The following MVP variants were observed in gnomAD, a reference collection of about 807,000 sequenced individuals.
MVP encodes major vault protein.
MVP carries 62 observed loss-of-function variants against 83.5 expected under a neutral mutation model. That is an observed-to-expected ratio of 0.74 (90% CI 0.61 to 0.92). The LOEUF is 0.92. MVP is among the 40% of genes least tolerant of loss of function. The pLI is 0.00. For missense variants in MVP, 1,000 were observed against 1,203.4 expected, an observed-to-expected ratio of 0.83 and a Z score of 2.50; for synonymous variants, 505 against 504.1, an observed-to-expected ratio of 1.00 and a Z score of -0.02.
Position 29,834,008 on chromosome 16 carries a change from T to C in MVP, c.519T>C (p.Ala173=), listed in dbSNP as rs1297057377. ...CCACCATCATCAGGCAGAACCAGGC[T>C]CTGCGGCTCAGGGCCCGCAAGGAGT... The part of the protein sequence containing the change: ...IQATIIRQNQ[A]LRLRARKECW... Residue 173 remains alanine (A), a synonymous_variant, in exon 5 of 15, where the codon GCT becomes GCC. Transcript: ENST00000357402. 1 of 1,614,026 alleles carries C rather than the reference T, an allele frequency of 6.2e-7. No individual in the cohort carries two copies. Among genetic ancestry groups the C allele is most frequent in the South Asian group, 1.1e-5 (1 of 91,062 alleles).
At chr16:29,839,714 G>C (rs189959356) in intron 7 of MVP, among the ~76,000 whole-genome samples, 1 of 135,694 alleles carries the variant, frequency 7.4e-6, no homozygotes, top group Non-Finnish European at 1.5e-5. Context: ...AGCCTGGAAG[G>C]TTGAGGCTGC....
chr16:29,847,211 G>A lies in MVP; in HGVS notation c.2280G>A (p.Gln760=), dbSNP rs1398617448. The change falls in exon 14 of 15, where the codon CAG becomes CAA. Residue 760 remains glutamine, a synonymous_variant. Coordinates refer to ENST00000357402, the MANE Select transcript of MVP (RefSeq NM_005115.5). ...ALAIETEAEL[Q]RVQKVRELEL... ...TCCTCTTCCAGGAGGCTGAGCTCCAGAGGGTCCAGAAGGTCCGAGAGCTGG... is the reference window on the plus strand; with the variant it reads ...TCCTCTTCCAGGAGGCTGAGCTCCAAAGGGTCCAGAAGGTCCGAGAGCTGG... 2 of 1,613,440 alleles carry A rather than the reference G, an allele frequency of 1.2e-6. No homozygotes were observed. Among genetic ancestry groups the A allele is most frequent in the Admixed American group, 3.3e-5 (2 of 59,976 alleles).
intron 11 of MVP, 67 bp downstream of exon 11, chr16:29,844,946 C>A (rs2067571633): frequency 6.5e-7 from 1 of 1,529,650 alleles, no homozygotes; most frequent in Non-Finnish European, 8.7e-7. Flanking sequence ...AACTGGATAA[C>A]CTGGCATCCC....
intron 3 of MVP, among the ~76,000 whole-genome samples, chr16:29,832,023 G>A (rs574150455): frequency 7.3e-5 from 11 of 151,078 alleles, no homozygotes; most frequent in East Asian, 2.0e-4. Flanking sequence ...CTCATGATCC[G>A]CCCGCCTCGG....
chr16:29,847,488 AG>A, intron 14 of MVP, 103 bp downstream of exon 14: 1 of 1,243,460 alleles, frequency 8.0e-7, no homozygotes. Flanking sequence ...TGGGGAAGGG[AG>A]GGGTGAGTGA....
intron 1 of MVP, among the ~76,000 whole-genome samples, chr16:29,823,823 CAG>C (rs1343862864): frequency 6.9e-6 from 1 of 145,382 alleles, no homozygotes; most frequent in Non-Finnish European, 1.5e-5. Flanking sequence ...GCCTGGGTGA[CAG>C]AGCGAGACTC....
chr16:29,846,197 C>A lies in MVP; in HGVS notation c.2178C>A (p.Ala726=). 1 of 1,606,654 alleles carries A rather than the reference C, an allele frequency of 6.2e-7. No individual in the cohort carries two copies. The highest frequency in any genetic ancestry group is 1.1e-5 in the South Asian group (1 of 90,064). The change falls in exon 13 of 15, where the codon GCC becomes GCA. Residue 726 remains alanine (A), a synonymous_variant. Coordinates refer to ENST00000357402, the MANE Select transcript of MVP (RefSeq NM_005115.5). ...VESTGTAKAE[A]ESRAEAARIE... is the part of the protein sequence containing the mutation. ...GCACCGGGACTGCCAAGGCGGAGGC[C>A]GAGTCCCGTGCGGAGGCAGCCCGGA...
At chr16:29,826,863 GTTGCGGTGAGCCGAGA>G (rs907548274) in intron 1 of MVP, among the ~76,000 whole-genome samples, 2 of 149,932 alleles carry the variant, frequency 1.3e-5, no homozygotes, top group Non-Finnish European at 3.0e-5. Flanking sequence ...GGAGGCGGAG[GTTGCGGTGAGCCGAGA>G]TTGCGCCACT....
chr16:29,837,174 A>G (rs920594257), intron 7 of MVP, among the ~76,000 whole-genome samples: 8 of 152,206 alleles, frequency 5.3e-5, no homozygotes, highest in African/African-American at 1.7e-4. Context: ...CCTTCTGGGA[A>G]GGCCTCCTGG....
In MVP at chr16:29,830,557, C is replaced by A; in HGVS notation, c.8C>A (p.Thr3Asn). The A allele has an allele frequency of 6.2e-7, 1 of 1,613,994 alleles. No homozygotes were observed. MA[T>N]EEFIIRIPPY... ...CTGGGCTTAGGAGTCACCATGGCAA[C>A]TGAAGAGTTCATCATCCGCATCCCC... The change falls in exon 2 of 15, where the codon ACT (threonine) becomes AAT (asparagine). Residue 3 changes from threonine (T) to asparagine (N), a missense_variant. Transcript: ENST00000357402.
In MVP at chr16:29,840,198, C is replaced by T. The variant is rs770847927; in HGVS notation, c.930C>T (p.Leu310=). Residue 310 remains leucine, a synonymous_variant, in exon 8 of 15, where the codon CTC becomes CTT. Coordinates refer to ENST00000357402, the MANE Select transcript of MVP (RefSeq NM_005115.5). ...RVVKGEKSFF[L]QPGEQLEQGI... ...ACTAGGGAGAGAAGTCTTTTTTCCT[C>T]CAGCCAGGAGAGCAGCTGGAACAAG... 2 of 1,608,132 alleles carry T rather than the reference C, an allele frequency of 1.2e-6. No individual in the cohort carries two copies. The highest frequency in any genetic ancestry group is 1.1e-5 in the South Asian group (1 of 90,720).
Position 29,830,518 on chromosome 16 carries a change from T to C in MVP, c.-32T>C, listed in dbSNP as rs1328364850. 22 of 1,611,052 alleles carry C rather than the reference T, an allele frequency of 1.4e-5. No homozygotes were observed. The highest frequency in any genetic ancestry group is 1.8e-5 in the Non-Finnish European group (21 of 1,178,232). ...TGTCGTCTCCCCCACCTACCAGTCA[T>C]CTTCTTGTGAGCCCTGGGCTTAGGA... On this transcript the variant is annotated 5_prime_UTR_variant, in exon 2 of 15. Transcript: ENST00000357402.
At chr16:29,834,200 G>A in intron 5 of MVP, 134 bp downstream of exon 5, 3 of 1,270,002 alleles carry the variant, frequency 2.4e-6, no homozygotes, top group Non-Finnish European at 3.2e-6. Flanking sequence ...AAGCTGTTGA[G>A]GGCCACCCAC....
At position 29,834,036 on chromosome 16, in the gene MVP, T is replaced by A. The variant is rs1246986853; in HGVS notation, c.547T>A (p.Trp183Arg). Residue 183 changes from tryptophan (W) to arginine (R), a missense_variant, in exon 5 of 15, where the codon TGG becomes AGG. By Grantham distance (101) the Trp-to-Arg change is moderately radical. Coordinates refer to ENST00000357402, the MANE Select transcript of MVP (RefSeq NM_005115.5). ...GCGGCTCAGGGCCCGCAAGGAGTGC[T>A]GGGACCGGGACGGCAAGGAGAGGGT... ...ALRLRARKEC[W>R]DRDGKERVTG... 1.2e-6 allele frequency: 2 copies of A among 1,613,928 alleles called. No individual in the cohort carries two copies. The highest frequency in any genetic ancestry group is 3.3e-5 in the Admixed American group (2 of 60,010).
intron 11 of MVP, among the ~76,000 whole-genome samples, chr16:29,845,298 C>A (rs1450681341): frequency 1.3e-5 from 2 of 151,996 alleles, no homozygotes; most frequent in Admixed American, 1.3e-4. Flanking sequence ...CAGCCGGCCT[C>A]CCCCGATTTG....
chr16:29,831,677 T>A lies in MVP; in HGVS notation c.321+604T>A, dbSNP rs376142749. 6 of 456,152 alleles carry A rather than the reference T, an allele frequency of 1.3e-5. No individual in the cohort carries two copies. In the East Asian group the frequency reaches 3.5e-4, roughly 26 times the overall value. 28.3% of individuals were successfully genotyped at this position (456,152 alleles called of 1,614,324 possible). On this transcript the variant is annotated intron_variant, in intron 3 of 14. Coordinates refer to ENST00000357402, the MANE Select transcript of MVP (RefSeq NM_005115.5). ...GCCTACCAGAAGTGCCCAGCCAGTC[T>A]GGCATTAAATGACATGTGCCAAGGT... is the stretch of plus-strand genomic sequence containing the variant.
chr16:29,847,806 C>T lies in MVP; in HGVS notation c.2499C>T (p.Thr833=), dbSNP rs757374771. Residue 833 remains threonine, a synonymous_variant, in exon 15 of 15, where the codon ACC becomes ACT. Transcript: ENST00000357402. ...QSLGLKSTLI[T]DGSTPINLFN... is the part of the protein sequence containing the mutation. Reference sequence around the variant, plus strand: ...TGGGCCTGAAATCAACCCTCATCACCGATGGCTCCACTCCCATCAACCTCT... The same window carrying T: ...TGGGCCTGAAATCAACCCTCATCACTGATGGCTCCACTCCCATCAACCTCT... The T allele has an allele frequency of 1.1e-5, 17 of 1,614,102 alleles. 1 individual carries two copies. Among genetic ancestry groups the T allele is most frequent in the East Asian group, 8.9e-5 (4 of 44,902 alleles).
At chr16:29,846,896 G>A (rs2067589971) in intron 13 of MVP, among the ~76,000 whole-genome samples, 1 of 151,992 alleles carries the variant, frequency 6.6e-6, no homozygotes. Flanking sequence ...TGTAAAAAGA[G>A]GCCTAGTGTG....
chr16:29,838,789 T>C (rs532386188), intron 7 of MVP, among the ~76,000 whole-genome samples: 3 of 152,302 alleles, frequency 2.0e-5, no homozygotes, highest in East Asian at 1.9e-4. Flanking sequence ...ATTGTGCCAC[T>C]GTACTCCAGC....
Sources: gnomAD v4.1 joint callset for allele counts (sites outside exome capture counted in the v4.1 genomes callset) on GRCh38, gnomAD v4.1.1 for gene constraint, MANE v1.5 for transcripts, NCBI Gene and HGNC (gene_info 2026-07-23, HGNC 2026-07-21) for gene names.